The following GLIS3 variants were observed in gnomAD, a reference collection of about 807,000 sequenced individuals.
The protein encoded by GLIS3 is zinc finger protein GLIS3.
Under a neutral mutation model 78.6 loss-of-function variants are expected in GLIS3, and 53 were observed. The observed-to-expected ratio is 0.67, with a 90% confidence interval of 0.54 to 0.85. The LOEUF (loss-of-function observed/expected upper bound fraction) is 0.85, where lower values mean the gene tolerates loss of function less well. Among genes scored for constraint, GLIS3 ranks in the 40% least tolerant of loss-of-function variants. The pLI is 0.00. For synonymous variants in GLIS3, 684 were observed against 509.9 expected (o/e 1.34, Z -4.60); for missense variants, 1,703 against 1,231.1 (o/e 1.38, Z -5.74).
chr9:4,117,695 T>C (rs1831772303), intron 4 of GLIS3, 73 bp downstream of exon 4: 2 of 1,575,336 alleles, frequency 1.3e-6, no homozygotes, highest in Admixed American at 3.3e-5. Context: ...TGGGCCGAGT[T>C]AGGAAAAAAC....
chr9:4,405,423 G>A, the GLIS3 span, among the ~76,000 whole-genome samples: 10 of 151,778 alleles, frequency 6.6e-5, no homozygotes, highest in South Asian at 2.1e-4. Flanking sequence ...AAATTCAAAT[G>A]ATCATTAGTG....
chr9:4,397,157 C>T, the GLIS3 span, among the ~76,000 whole-genome samples: 1 of 140,282 alleles, frequency 7.1e-6, no homozygotes, highest in African/African-American at 2.9e-5. Flanking sequence ...TCCCGAGTAG[C>T]TGGGACTACA....
chr9:3,893,879 T>G (rs1458820570), intron 7 of GLIS3, among the ~76,000 whole-genome samples: 1 of 152,236 alleles, frequency 6.6e-6, no homozygotes, highest in African/African-American at 2.4e-5. Context: ...ACTGAAGGAC[T>G]GGCTCAGGAC....
At chr9:4,195,681 C>T (rs766446877) in intron 2 of GLIS3, among the ~76,000 whole-genome samples, 1 of 152,256 alleles carries the variant, frequency 6.6e-6, no homozygotes, top group Non-Finnish European at 1.5e-5. Context: ...ATGGCACTGG[C>T]GGGCAGCTCC....
intron 2 of GLIS3, among the ~76,000 whole-genome samples, chr9:4,259,070 A>C (rs533268618): frequency 6.6e-6 from 1 of 152,088 alleles, no homozygotes; most frequent in African/African-American, 2.4e-5. Flanking sequence ...ACTCCTCCCC[A>C]AACATTCCAG....
chr9:4,321,236 C>A (rs1248967423), intron 2 of GLIS3, among the ~76,000 whole-genome samples: 3 of 140,892 alleles, frequency 2.1e-5, no homozygotes, highest in East Asian at 2.1e-4. Flanking sequence ...CTGGCTAACA[C>A]GGTGAAACCC....
chr9:4,349,994 G>C (rs537644239), upstream of GLIS3, among the ~76,000 whole-genome samples: 7 of 152,224 alleles, frequency 4.6e-5, no homozygotes, highest in Non-Finnish European at 1.0e-4. Flanking sequence ...TCAGGAATGT[G>C]AAAGAGACTT....
chr9:4,405,960 A>G, the GLIS3 span, among the ~76,000 whole-genome samples: 1 of 152,250 alleles, frequency 6.6e-6, no homozygotes, highest in Non-Finnish European at 1.5e-5. Context: ...ATAAAGGACA[A>G]AATCCATATG....
chr9:4,048,018 G>C (rs1825397564), intron 4 of GLIS3, among the ~76,000 whole-genome samples: 1 of 152,094 alleles, frequency 6.6e-6, no homozygotes. Flanking sequence ...CAAGACTCAG[G>C]GCTTAGGCAG....
the GLIS3 span, among the ~76,000 whole-genome samples, chr9:4,469,282 A>G: frequency 1.3e-5 from 2 of 152,168 alleles, no homozygotes; most frequent in African/African-American, 4.8e-5. Context: ...TGCACCAAGC[A>G]GACCTAATAG....
chr9:4,434,606 G>A, the GLIS3 span, among the ~76,000 whole-genome samples: 9 of 152,162 alleles, frequency 5.9e-5, no homozygotes, highest in Admixed American at 2.0e-4. Flanking sequence ...GTGGATGGAT[G>A]AATGGATGGA....
chr9:4,352,888 G>A (rs1267439734), upstream of GLIS3, among the ~76,000 whole-genome samples: 1 of 152,180 alleles, frequency 6.6e-6, no homozygotes, highest in East Asian at 1.9e-4. Flanking sequence ...CATATCCTGT[G>A]GTGCATGGAA....
chr9:3,886,355 C>T (rs539714654), intron 7 of GLIS3, among the ~76,000 whole-genome samples: 4 of 152,124 alleles, frequency 2.6e-5, no homozygotes, highest in Non-Finnish European at 5.9e-5. Context: ...TTATTTTGCA[C>T]GAGTAGAGTA....
chr9:4,185,617 G>A (rs964708796), intron 2 of GLIS3, among the ~76,000 whole-genome samples: 2 of 152,128 alleles, frequency 1.3e-5, no homozygotes, highest in East Asian at 3.8e-4. Flanking sequence ...CTTTAAGGAA[G>A]GTTTAATAAG....
At chr9:4,050,914 G>A (rs1199728248) in intron 4 of GLIS3, among the ~76,000 whole-genome samples, 3 of 152,162 alleles carry the variant, frequency 2.0e-5, no homozygotes, top group Non-Finnish European at 4.4e-5. Flanking sequence ...GATAGTCAGG[G>A]TCCTCACAGT....
intron 2 of GLIS3, among the ~76,000 whole-genome samples, chr9:4,154,989 G>A (rs1490476230): frequency 2.0e-5 from 3 of 152,166 alleles, no homozygotes; most frequent in African/African-American, 7.2e-5. Flanking sequence ...TGGGGAGTTT[G>A]TAACACAATG....
At chr9:4,254,374 T>C (rs575058931) in intron 2 of GLIS3, among the ~76,000 whole-genome samples, 9 of 152,294 alleles carry the variant, frequency 5.9e-5, no homozygotes, top group Admixed American at 5.2e-4. Context: ...AATACAGAAT[T>C]TTTTAAAAGA....
intron 9 of GLIS3, among the ~76,000 whole-genome samples, chr9:3,844,471 G>A (rs775088713): frequency 1.3e-5 from 2 of 152,050 alleles, no homozygotes; most frequent in African/African-American, 2.4e-5. Flanking sequence ...ATGAGTTTCA[G>A]GTATAAGAAC....
intron 4 of GLIS3, among the ~76,000 whole-genome samples, chr9:4,101,910 T>A (rs1274524248): frequency 6.6e-6 from 1 of 152,222 alleles, no homozygotes; most frequent in Non-Finnish European, 1.5e-5. Flanking sequence ...CAGAACAAAG[T>A]GGCAGAGCAT....
Sources: allele counts gnomAD v4.1 joint callset (sites outside exome capture counted in the v4.1 genomes callset), GRCh38; gene constraint gnomAD v4.1.1; transcripts MANE v1.5; gene names NCBI Gene and HGNC (gene_info 2026-07-23, HGNC 2026-07-21).